The following AK5 variants were observed in gnomAD, a reference collection of about 807,000 sequenced individuals.
AK5 encodes the protein adenylate kinase 5.
In AK5, 27 loss-of-function variants were observed where a neutral mutation model predicts 69.5. The observed-to-expected ratio is 0.39, with a 90% CI of 0.29 to 0.54. The LOEUF is 0.54. AK5 is among the 20% of genes least tolerant of loss of function. The probability of loss-of-function intolerance (pLI) is 0.71; values close to 1 mark genes in which losing one functional copy is unlikely to be tolerated. For missense variants in AK5, 531 were observed against 700.4 expected, an observed-to-expected ratio of 0.76 and a Z score of 2.73; for synonymous variants, 260 against 244.4, an observed-to-expected ratio of 1.06 and a Z score of -0.60.
rs1350789206 is a variant in AK5 at position 77,282,285 on chromosome 1, T to C, written c.-29T>C. On this transcript the variant is annotated 5_prime_UTR_variant, in exon 1 of 14. Coordinates refer to ENST00000354567, the MANE Select transcript of AK5 (RefSeq NM_174858.3). ...CGCCGCAGCCCGGGAGCCTCCCCGC[T>C]TGCGCCCCAAGGCACGCGCGGCACA... 6.5e-7 allele frequency: 1 copy of C among 1,540,312 alleles called. No individual in the cohort carries two copies. Among genetic ancestry groups the C allele is most frequent in the African/African-American group, 1.4e-5 (1 of 72,552 alleles).
intron 6 of AK5, among the ~76,000 whole-genome samples, chr1:77,384,547 C>T (rs1012455627): frequency 6.6e-6 from 1 of 152,108 alleles, no homozygotes; most frequent in Non-Finnish European, 1.5e-5. Context: ...TCGATCAGAT[C>T]AGAGAGATTC....
intron 10 of AK5, among the ~76,000 whole-genome samples, chr1:77,492,912 G>A (rs1183880560): frequency 6.6e-6 from 1 of 152,178 alleles, no homozygotes; most frequent in African/African-American, 2.4e-5. Context: ...TGGGAGAATG[G>A]CCCTGACATG....
chr1:77,302,487 G>C (rs1343751789), intron 5 of AK5, among the ~76,000 whole-genome samples: 1 of 152,030 alleles, frequency 6.6e-6, no homozygotes, highest in East Asian at 1.9e-4. Flanking sequence ...TGATTTCTTT[G>C]CTTTCTCATT....
At chr1:77,328,935 T>A (rs1660949065) in intron 5 of AK5, among the ~76,000 whole-genome samples, 2 of 152,308 alleles carry the variant, frequency 1.3e-5, no homozygotes, top group African/African-American at 4.8e-5. Context: ...TGCCAGCGTC[T>A]GGCAAGAGTC....
chr1:77,414,350 C>T (rs1033297976), intron 7 of AK5, among the ~76,000 whole-genome samples: 13 of 152,122 alleles, frequency 8.5e-5, no homozygotes, highest in South Asian at 2.1e-4. Flanking sequence ...GTTTTATTTA[C>T]GGACACCCTT....
intron 6 of AK5, among the ~76,000 whole-genome samples, chr1:77,393,561 A>G (rs548755010): frequency 3.3e-5 from 5 of 152,358 alleles, no homozygotes; most frequent in Non-Finnish European, 7.3e-5. Flanking sequence ...AAAAGAATTT[A>G]TCCCACCTCA....
At chr1:77,345,321 C>T (rs909761656) in intron 6 of AK5, among the ~76,000 whole-genome samples, 1 of 152,156 alleles carries the variant, frequency 6.6e-6, no homozygotes, top group Non-Finnish European at 1.5e-5. Flanking sequence ...AACTAAATCT[C>T]TTCAGCCAGG....
chr1:77,347,605 C>T (rs539626519), intron 6 of AK5, among the ~76,000 whole-genome samples: 3 of 152,162 alleles, frequency 2.0e-5, no homozygotes, highest in Admixed American at 2.0e-4. Context: ...GGCTCTAAAA[C>T]CTAAAATACC....
At chr1:77,478,927 GT>G (rs34019719) in intron 8 of AK5, among the ~76,000 whole-genome samples, 57,235 of 144,154 alleles carry the variant, frequency 0.4, 11,222 homozygotes, top group African/African-American at 0.46. Flanking sequence ...TGCAAAAGTA[GT>G]TTTTTTTTTT....
At position 77,399,804 on chromosome 1, in the gene AK5, G is replaced by A. The variant is rs544130554; in HGVS notation, c.892-11177G>A. 2.8e-4 allele frequency among the ~76,000 whole-genome samples: 43 copies of A among 152,302 alleles called. No homozygotes were observed. In the South Asian group the frequency reaches 6.4e-3, roughly 23 times the overall value. On this transcript the variant is annotated intron_variant, in intron 6 of 13. Transcript: ENST00000354567. ...TCCTCTCAGCAAACTAAAAGGCAGG[G>A]TTATTTGCAAAGAGGTTTAGAAGGC...
At chr1:77,419,072 G>C (rs1280031638) in intron 8 of AK5, among the ~76,000 whole-genome samples, 1 of 151,146 alleles carries the variant, frequency 6.6e-6, no homozygotes, top group East Asian at 1.9e-4. Context: ...AGGACTAGAA[G>C]AGTAATTTAC....
At chr1:77,309,686 T>C (rs1191450641) in intron 5 of AK5, among the ~76,000 whole-genome samples, 1 of 152,196 alleles carries the variant, frequency 6.6e-6, no homozygotes, top group Admixed American at 6.5e-5. Context: ...TCTGTATCAC[T>C]ATTTTAATTT....
intron 10 of AK5, among the ~76,000 whole-genome samples, chr1:77,503,111 C>T (rs775094828): frequency 3.9e-5 from 6 of 152,182 alleles, no homozygotes; most frequent in African/African-American, 7.2e-5. Context: ...GTGTCCTAGG[C>T]TCTATATCTA....
intron 8 of AK5, among the ~76,000 whole-genome samples, chr1:77,457,595 G>A (rs1653572323): frequency 6.6e-6 from 1 of 152,010 alleles, no homozygotes; most frequent in African/African-American, 2.4e-5. Flanking sequence ...TTTTAGTTTT[G>A]TGGGTGTAAT....
Position 77,546,180 on chromosome 1 carries a change from G to A in AK5, c.1620+10142G>A, listed in dbSNP as rs147451447. On this transcript the variant is annotated intron_variant, in intron 13 of 13. Transcript: ENST00000354567. ...GCAGAAGAGAATTCCAGGCCCTTTT[G>A]ACTCATCTGTACACACTCTTGATTT... 3.5e-3 allele frequency among the ~76,000 whole-genome samples: 535 copies of A among 152,174 alleles called. 4 individuals are homozygous for A. Among genetic ancestry groups the A allele is most frequent in the African/African-American group, 0.012 (513 of 41,520 alleles).
At chr1:77,338,059 G>A (rs1409547579) in intron 5 of AK5, among the ~76,000 whole-genome samples, 1 of 151,428 alleles carries the variant, frequency 6.6e-6, no homozygotes, top group African/African-American at 2.4e-5. Flanking sequence ...CCGCTTCCCG[G>A]GTTCAAGTGA....
Position 77,456,568 on chromosome 1 carries a change from C to A in AK5, c.1060-26749C>A, listed in dbSNP as rs751295352. Among the ~76,000 whole-genome samples the A allele has an allele frequency of 2.0e-5, 3 of 152,170 alleles. No homozygotes were observed. The East Asian group carries it at 5.8e-4, about 29-fold the overall frequency. ...TGCCAGGGAGCAAGAACAGCACCTT[C>A]GAAGGCACAGACTTAAAAGAACGAG... On this transcript the variant is annotated intron_variant, in intron 8 of 13. Transcript: ENST00000354567.
intron 6 of AK5, among the ~76,000 whole-genome samples, chr1:77,385,950 A>G (rs1206058861): frequency 6.6e-6 from 1 of 152,246 alleles, no homozygotes; most frequent in Non-Finnish European, 1.5e-5. Context: ...GGAAACAGCT[A>G]AAATAAAAAT....
chr1:77,513,712 C>T (rs1413621163), intron 10 of AK5, among the ~76,000 whole-genome samples: 3 of 152,100 alleles, frequency 2.0e-5, no homozygotes, highest in African/African-American at 7.2e-5. Context: ...TGGTGGCACT[C>T]GCCTGTAGTC....
Sources: gnomAD v4.1 joint callset for allele counts (sites outside exome capture counted in the v4.1 genomes callset) on GRCh38, gnomAD v4.1.1 for gene constraint, MANE v1.5 for transcripts, NCBI Gene and HGNC (gene_info 2026-07-23, HGNC 2026-07-21) for gene names.